Variants in CIMIP2C observed in about 807,000 individuals in gnomAD.
CIMIP2C encodes UPF0573 protein C2orf70.
At chr2:26,564,589 G>A in the CIMIP2C span, among the ~76,000 whole-genome samples, 2 of 152,184 alleles carry the variant, frequency 1.3e-5, no homozygotes, top group African/African-American at 4.8e-5. Context: ...CATCAGCAAG[G>A]GATGAATTGA....
the CIMIP2C span, chr2:26,577,668 C>A: frequency 6.7e-6 from 10 of 1,494,572 alleles, no homozygotes; most frequent in South Asian, 1.0e-4. Flanking sequence ...AGTCAAGAAA[C>A]GCACCCATGG....
the CIMIP2C span, among the ~76,000 whole-genome samples, chr2:26,570,660 T>C: frequency 2.0e-5 from 3 of 152,090 alleles, no homozygotes; most frequent in East Asian, 1.9e-4. Flanking sequence ...AGGAATTCCA[T>C]GCAAAGGCCC....
the CIMIP2C span, among the ~76,000 whole-genome samples, chr2:26,573,269 C>T: frequency 2.6e-5 from 4 of 152,222 alleles, no homozygotes; most frequent in South Asian, 4.1e-4. Context: ...TCTGCAATCC[C>T]GCCTTCCTCT....
the CIMIP2C span, among the ~76,000 whole-genome samples, chr2:26,571,321 A>T: frequency 6.6e-6 from 1 of 152,114 alleles, no homozygotes; most frequent in African/African-American, 2.4e-5. Context: ...ACCCCAGTGG[A>T]CACTTGTCAT....
the CIMIP2C span, chr2:26,579,156 G>A: frequency 4.4e-6 from 4 of 918,190 alleles, no homozygotes; most frequent in Non-Finnish European, 6.7e-6. Flanking sequence ...AGTCCAGGGG[G>A]ACTTATCAGG....
chr2:26,575,789 G>T, the CIMIP2C span: 53 of 1,326,906 alleles, frequency 4.0e-5, no homozygotes, highest in Non-Finnish European at 4.9e-5. Flanking sequence ...TTTCCAACAT[G>T]CTGGGATTAC....
At chr2:26,572,114 AGAT>A in the CIMIP2C span, 2 of 1,545,302 alleles carry the variant, frequency 1.3e-6, no homozygotes, top group African/African-American at 2.7e-5. Context: ...TTTCAATTTT[AGAT>A]GCCATGGGTT....
the CIMIP2C span, among the ~76,000 whole-genome samples, chr2:26,571,487 C>G: frequency 6.6e-6 from 1 of 152,182 alleles, no homozygotes. Context: ...CAGTAAACAC[C>G]GAGTGAGGAT....
At chr2:26,564,907 G>A in the CIMIP2C span, among the ~76,000 whole-genome samples, 1 of 152,180 alleles carries the variant, frequency 6.6e-6, no homozygotes, top group African/African-American at 2.4e-5. Flanking sequence ...GCTGGTGATT[G>A]AAGTGCTGGG....
At chr2:26,572,016 C>T in the CIMIP2C span, 31 of 1,268,796 alleles carry the variant, frequency 2.4e-5, no homozygotes, top group Non-Finnish European at 3.3e-5. Context: ...GATATTAGTA[C>T]AAAAAGATCC....
the CIMIP2C span, chr2:26,572,064 G>A: frequency 2.6e-6 from 4 of 1,528,426 alleles, no homozygotes; most frequent in Non-Finnish European, 3.5e-6. Context: ...AACCATCAAA[G>A]GACTAAAGCC....
the CIMIP2C span, among the ~76,000 whole-genome samples, chr2:26,573,442 A>G: frequency 0.15 from 23,154 of 152,212 alleles, 1,873 homozygotes; most frequent in Non-Finnish European, 0.19. Context: ...ATGACGGAAG[A>G]AGGGCAGAGG....
the CIMIP2C span, chr2:26,579,513 C>G: frequency 1.3e-6 from 2 of 1,545,464 alleles, no homozygotes; most frequent in Middle Eastern, 1.7e-4. Context: ...GGAATAAAAT[C>G]TTTAGCCATG....
chr2:26,579,287 C>A, the CIMIP2C span: 1 of 1,613,890 alleles, frequency 6.2e-7, no homozygotes, highest in Non-Finnish European at 8.5e-7. Context: ...CCCATCCTCA[C>A]CCCTAGGCCT....
At chr2:26,578,927 C>T in the CIMIP2C span, 75,510 of 477,722 alleles carry the variant, frequency 0.16, 6,622 homozygotes, top group Non-Finnish European at 0.19. Flanking sequence ...TTTCTTAGAA[C>T]ATTTGTTGTG....
chr2:26,572,181 AC>A, the CIMIP2C span: 7 of 1,259,364 alleles, frequency 5.6e-6, no homozygotes, highest in East Asian at 7.5e-5. Flanking sequence ...CCCTCCACCC[AC>A]CCCCCAATTT....
chr2:26,568,642 G>A, the CIMIP2C span, among the ~76,000 whole-genome samples: 1 of 152,182 alleles, frequency 6.6e-6, no homozygotes, highest in African/African-American at 2.4e-5. Context: ...TGCCAAGCAT[G>A]CCAGTATGAG....
the CIMIP2C span, among the ~76,000 whole-genome samples, chr2:26,566,081 C>T: frequency 7.2e-4 from 110 of 152,356 alleles, no homozygotes; most frequent in African/African-American, 2.6e-3. Context: ...ATCTGGGTGG[C>T]ATCCACTCCT....
At chr2:26,572,098 G>A in the CIMIP2C span, 58 of 1,542,486 alleles carry the variant, frequency 3.8e-5, no homozygotes, top group East Asian at 5.0e-5. Flanking sequence ...TTTTTCTAAC[G>A]ATGTGTTTCA....
Sources: allele counts gnomAD v4.1 joint callset (sites outside exome capture counted in the v4.1 genomes callset), GRCh38; gene constraint gnomAD v4.1.1; transcripts MANE v1.5; gene names NCBI Gene and HGNC (gene_info 2026-07-23, HGNC 2026-07-21).